TMEM161B: variants seen among roughly 807,000 people sequenced by gnomAD.
The protein encoded by TMEM161B is transmembrane protein 161B.
Under a neutral mutation model 61.8 loss-of-function variants are expected in TMEM161B, and 34 were observed. The observed-to-expected ratio is 0.55, with a 90% CI of 0.42 to 0.73. TMEM161B has a LOEUF of 0.73. Ranked by LOEUF, TMEM161B falls within the 30% of genes least tolerant of loss-of-function variation. The probability of loss-of-function intolerance (pLI) is 0.00; values close to 1 mark genes in which losing one functional copy is unlikely to be tolerated. For synonymous variants in TMEM161B, 167 were observed against 192.8 expected (o/e 0.87, Z 1.11); for missense variants, 456 against 558.5 (o/e 0.82, Z 1.85).
At chr5:88,190,209 G>A, downstream of TMEM161B, 1 of 701,050 alleles carries the variant, frequency 1.4e-6, no homozygotes, top group East Asian at 2.7e-5. Context: ...AAAGGGGGCT[G>A]CTCCATAAGC....
intron 1 of TMEM161B, among the ~76,000 whole-genome samples, chr5:88,262,010 A>G (rs1449805169): frequency 2.0e-5 from 3 of 152,190 alleles, no homozygotes; most frequent in Non-Finnish European, 4.4e-5. Context: ...AGGGGAAAAT[A>G]TCTGCAAAAG....
chr5:88,204,746 T>G (rs1184454175), intron 8 of TMEM161B, among the ~76,000 whole-genome samples: 3 of 140,592 alleles, frequency 2.1e-5, no homozygotes, highest in African/African-American at 5.4e-5. Flanking sequence ...GCACACTGAG[T>G]AAAAGGAGAA....
chr5:88,260,471 AGTCAGG>A (rs1479448307), intron 1 of TMEM161B, among the ~76,000 whole-genome samples: 1 of 152,164 alleles, frequency 6.6e-6, no homozygotes, highest in Non-Finnish European at 1.5e-5. Context: ...GTTTTATAAG[AGTCAGG>A]GTCTCACTCT....
intron 1 of TMEM161B, among the ~76,000 whole-genome samples, chr5:88,261,736 A>G: frequency 6.7e-6 from 1 of 149,984 alleles, no homozygotes; most frequent in Admixed American, 6.6e-5. Context: ...TGTGCAAAAA[A>G]AAAAAAAAAA....
intron 9 of TMEM161B, chr5:88,202,107 C>G: frequency 2.2e-6 from 1 of 453,474 alleles, no homozygotes; most frequent in Non-Finnish European, 4.4e-6. Flanking sequence ...GAGTTAGATA[C>G]TATTATCTTC....
At chr5:88,237,579 T>C (rs1380812616) in intron 2 of TMEM161B, among the ~76,000 whole-genome samples, 2 of 152,256 alleles carry the variant, frequency 1.3e-5, no homozygotes, top group East Asian at 3.9e-4. Context: ...ACTGAGATTT[T>C]GGAAGTTGTA....
intron 2 of TMEM161B, 53 bp downstream of exon 2, chr5:88,240,760 T>G (rs909507798): frequency 1.5e-5 from 20 of 1,325,768 alleles, no homozygotes; most frequent in South Asian, 3.5e-5. Context: ...TTAATCAGTT[T>G]GGTAAACTAG....
At chr5:88,243,542 T>C (rs1439346659) in intron 1 of TMEM161B, among the ~76,000 whole-genome samples, 4 of 151,946 alleles carry the variant, frequency 2.6e-5, no homozygotes, top group African/African-American at 4.8e-5. Context: ...TTGTGAATAG[T>C]GCTGCAATGA....
rs758337035 is a variant in TMEM161B, at chr5:88,196,456, T to G, written c.1219A>C (p.Ile407Leu). 5 of 1,611,132 alleles carry G rather than the reference T, an allele frequency of 3.1e-6. No homozygotes were observed. The highest frequency in any genetic ancestry group is 3.4e-6 in the Non-Finnish European group (4 of 1,178,652). The change falls in exon 12 of 12, where the codon ATC becomes CTC. Residue 407 changes from isoleucine (I) to leucine (L), a missense_variant. Coordinates refer to ENST00000296595, the MANE Select transcript of TMEM161B (RefSeq NM_153354.5). ...NHSWGIYPESISTLPVDNSLL... is the reference protein window; with the variant it reads ...NHSWGIYPESLSTLPVDNSLL... ...CTATTATCCACTGGTAAGGTAGAGA[T>G]AGATTCTGGATAAATACCCCAGGAA...
At chr5:88,223,732 C>CA (rs1245715402) in intron 4 of TMEM161B, among the ~76,000 whole-genome samples, 2 of 151,700 alleles carry the variant, frequency 1.3e-5, no homozygotes, top group Admixed American at 6.6e-5. Context: ...CTAAAAAATA[C>CA]AAAAAAATTA....
rs1561312626 is a variant in TMEM161B at position 88,203,791 on chromosome 5, ATATATATATATATATATATATAT to A, written c.801-739_801-717del. ...TATATATATATATATATATATATATATATATATATATATATATATATATAATTTGCATTACTCCTGACAAGGCA... is the reference window on the plus strand; with the variant it reads ...TATATATATATATATATATATATATAAATTTGCATTACTCCTGACAAGGCA... On this transcript the variant is annotated intron_variant, in intron 8 of 11. Coordinates refer to ENST00000296595, the MANE Select transcript of TMEM161B (RefSeq NM_153354.5). Among the ~76,000 whole-genome samples, 76 of 35,376 alleles carry A rather than the reference ATATATATATATATATATATATAT, an allele frequency of 2.1e-3. 1 individual carries two copies. Among genetic ancestry groups the A allele is most frequent in the African/African-American group, 3.7e-3 (41 of 11,038 alleles). The allele number at this position is 35,376 out of a possible 152,430, so 23.2% of individuals were successfully genotyped here. A position where few individuals can be genotyped will look rare whatever the true frequency, so the allele number is the denominator to read the frequency against.
chr5:88,221,507 T>G (rs1267543289), intron 4 of TMEM161B: 1 of 285,700 alleles, frequency 3.5e-6, no homozygotes, highest in Non-Finnish European at 7.0e-6. Flanking sequence ...TCAAGAAAAA[T>G]AAAATAATAA....
At chr5:88,260,701 C>T (rs1755576662) in intron 1 of TMEM161B, among the ~76,000 whole-genome samples, 1 of 152,178 alleles carries the variant, frequency 6.6e-6, no homozygotes, top group Admixed American at 6.5e-5. Flanking sequence ...GACCCTCCTG[C>T]CTTAGCCTTC....
chr5:88,210,903 T>A (rs1252785654), intron 5 of TMEM161B, among the ~76,000 whole-genome samples: 1 of 152,092 alleles, frequency 6.6e-6, no homozygotes, highest in Non-Finnish European at 1.5e-5. Flanking sequence ...AAAAAAGGAA[T>A]CGGAAAACAT....
chr5:88,194,356 T>C (rs911070302), downstream of TMEM161B, among the ~76,000 whole-genome samples: 4 of 152,182 alleles, frequency 2.6e-5, no homozygotes, highest in African/African-American at 9.7e-5. Context: ...TGGTATTCTA[T>C]GGTGTATACA....
chr5:88,256,368 T>C (rs1561424557), intron 1 of TMEM161B, among the ~76,000 whole-genome samples: 1 of 152,214 alleles, frequency 6.6e-6, no homozygotes, highest in Non-Finnish European at 1.5e-5. Context: ...AATAAAAGGT[T>C]CAATGGAAGA....
intron 3 of TMEM161B, 87 bp downstream of exon 3, chr5:88,228,358 G>A: frequency 1.0e-6 from 1 of 993,090 alleles, no homozygotes; most frequent in Non-Finnish European, 1.5e-6. Flanking sequence ...AACATAATTG[G>A]TACATGTTTC....
At position 88,228,510 on chromosome 5, in the gene TMEM161B, A is replaced by G; in HGVS notation, c.126T>C (p.His42=). The change falls in exon 3 of 12, where the codon CAT becomes CAC. Residue 42 remains histidine, a synonymous_variant. Coordinates refer to ENST00000296595, the MANE Select transcript of TMEM161B (RefSeq NM_153354.5). ...LCNGSLRWYQ[H]PTEEELRILA... ...GAATTCTTAATTCTTCTTCTGTAGG[A>G]TGTTGATACCACCTCAAACTAAGCA... 1 of 1,606,686 alleles carries G rather than the reference A, an allele frequency of 6.2e-7. No homozygotes were observed. Among genetic ancestry groups the G allele is most frequent in the African/African-American group, 1.3e-5 (1 of 74,818 alleles).
In TMEM161B at chr5:88,225,843, C is replaced by G. The variant is rs1400578436; in HGVS notation, c.215G>C (p.Ser72Thr). ...KDRKYNGHIE[S>T]KPLTIPKDID... ...ATCCTTTGGAATGGTTAATGGCTTA[C>G]TTTCAATGTGACCATTATATTTCCT... The change falls in exon 4 of 12, where the codon AGT becomes ACT. Residue 72 changes from serine to threonine, a missense_variant. Ser to Thr is a moderately conservative substitution (Grantham distance 58, BLOSUM62 1). This residue lies in a region of TMEM161B where 85 missense variants were observed against 111.2 expected (regional missense o/e 0.76). Transcript: ENST00000296595. The G allele has an allele frequency of 6.2e-7, 1 of 1,609,288 alleles. No homozygotes were observed. The highest frequency in any genetic ancestry group is 1.7e-5 in the Admixed American group (1 of 59,312).
Sources: allele counts gnomAD v4.1 joint callset (sites outside exome capture counted in the v4.1 genomes callset), GRCh38; gene constraint gnomAD v4.1.1; regional missense constraint gnomAD v4.1.1; transcripts MANE v1.5; gene names NCBI Gene and HGNC (gene_info 2026-07-23, HGNC 2026-07-21).